IL4R: variants seen among roughly 807,000 people sequenced by gnomAD.
IL4R encodes the protein interleukin-4 receptor subunit alpha.
A neutral mutation model predicts 41.5 loss-of-function variants in IL4R; 17 were observed. The observed-to-expected ratio is 0.41, with a 90% confidence interval of 0.28 to 0.61. The LOEUF is 0.61. Among genes scored for constraint, IL4R ranks in the 20% least tolerant of loss-of-function variants. The pLI, the probability that IL4R is intolerant of heterozygous loss-of-function variation, is 0.31. For synonymous variants in IL4R, 402 were observed against 422.9 expected (o/e 0.95, Z 0.61); for missense variants, 974 against 1,043.1 (o/e 0.93, Z 0.91).
rs1437339119 is a variant in IL4R at position 27,363,100 on chromosome 16, A to G, written c.1748A>G (p.Glu583Gly). 7.4e-6 allele frequency: 12 copies of G among 1,613,886 alleles called. No individual in the cohort carries two copies. The Admixed American group carries it at 1.8e-4, about 25-fold the overall frequency. The change falls in exon 11 of 11, where the codon GAG becomes GGG. Residue 583 changes from glutamate (E) to glycine (G), a missense_variant. Physicochemically the swap from Glu to Gly is moderately conservative, Grantham distance 98. Around this residue, in one of 3 missense-constraint regions of IL4R, gnomAD observed 682 missense variants for 704.3 expected, o/e 0.97. Transcript: ENST00000395762. ...SGYQEFVHAV[E>G]QGGTQASAVV... Reference sequence around the variant, plus strand: ...TATCAGGAGTTTGTACATGCGGTGGAGCAGGGTGGCACCCAGGCCAGTGCG... The same window carrying G: ...TATCAGGAGTTTGTACATGCGGTGGGGCAGGGTGGCACCCAGGCCAGTGCG...
intron 2 of IL4R, among the ~76,000 whole-genome samples, chr16:27,336,815 A>C (rs2085274062): frequency 6.6e-6 from 1 of 151,908 alleles, no homozygotes; most frequent in Non-Finnish European, 1.5e-5. Context: ...TCAGTGGCTC[A>C]CGCCTGTAAT....
chr16:27,313,910 G>A (rs927243348), upstream of IL4R: 297 of 984,498 alleles, frequency 3.0e-4, no homozygotes, highest in Non-Finnish European at 3.5e-4. Flanking sequence ...GGGCGGGCTG[G>A]GTCTCCGCGC....
chr16:27,356,354 G>A (rs576406969), intron 8 of IL4R, among the ~76,000 whole-genome samples: 15 of 152,222 alleles, frequency 9.9e-5, no homozygotes, highest in Admixed American at 8.5e-4. Context: ...GCCTCCCAAA[G>A]TGCTGGGATT....
chr16:27,345,160 A>T lies in IL4R; in HGVS notation c.361+140A>T. The T allele has an allele frequency of 1.1e-6, 1 of 944,268 alleles. No individual in the cohort carries two copies. The highest frequency in any genetic ancestry group is 1.6e-6 in the Non-Finnish European group (1 of 606,762). The allele number at this position is 944,268 out of a possible 1,614,324, so 58.5% of individuals were successfully genotyped here. A position where few individuals can be genotyped will look rare whatever the true frequency, so the allele number is the denominator to read the frequency against. ...CCTGTATTTTCCCAAATCTGATGGGATTCCTGCCCCTGCCTGGGCCTCAGT... is the reference window on the plus strand; with the variant it reads ...CCTGTATTTTCCCAAATCTGATGGGTTTCCTGCCCCTGCCTGGGCCTCAGT... On this transcript the variant is annotated intron_variant, in intron 5 of 10. Coordinates refer to ENST00000395762, the MANE Select transcript of IL4R (RefSeq NM_000418.4). This position sits in a 1 kb window ranked among gnomAD's most constrained non-coding sequence, Gnocchi z 4.5.
chr16:27,331,875 C>G (rs2085119678), intron 2 of IL4R, among the ~76,000 whole-genome samples: 1 of 151,862 alleles, frequency 6.6e-6, no homozygotes, highest in South Asian at 2.1e-4. Flanking sequence ...ATATTTTGAC[C>G]CTTTGTTGTT....
chr16:27,346,060 G>C (rs2085631477), intron 5 of IL4R, among the ~76,000 whole-genome samples: 2 of 151,694 alleles, frequency 1.3e-5, no homozygotes, highest in African/African-American at 4.8e-5. Flanking sequence ...CTTCACTGTA[G>C]AAAGGTGGTT....
chr16:27,320,853 A>G (rs1020218866), intron 1 of IL4R, among the ~76,000 whole-genome samples: 5 of 152,160 alleles, frequency 3.3e-5, no homozygotes, highest in African/African-American at 1.2e-4. Flanking sequence ...TCTTGCCTCT[A>G]GCATATTTCT....
At chr16:27,324,365 T>C (rs2084895918) in intron 1 of IL4R, among the ~76,000 whole-genome samples, 1 of 151,968 alleles carries the variant, frequency 6.6e-6, no homozygotes, top group Non-Finnish European at 1.5e-5. Flanking sequence ...AGGTGGAAAA[T>C]TGGGGATGAC....
Position 27,363,255 on chromosome 16 carries a change from C to T in IL4R, c.1903C>T (p.Gln635Ter). 2 of 1,603,056 alleles carry T rather than the reference C, an allele frequency of 1.2e-6. No homozygotes were observed. Among genetic ancestry groups the T allele is most frequent in the Non-Finnish European group, 1.7e-6 (2 of 1,173,856 alleles). ...TGGGGAAGAGGGGTATAAGCCTTTCCAAGACCTCATTCCTGGCTGCCCTGG... is the reference window on the plus strand; with the variant it reads ...TGGGGAAGAGGGGTATAAGCCTTTCTAAGACCTCATTCCTGGCTGCCCTGG... ...SSGEEGYKPF[Q>*]DLIPGCPGDP... Residue 635 changes from glutamine (Q) to a stop codon, truncating the protein, a stop_gained, in exon 11 of 11, where the codon CAA (glutamine) becomes TAA (stop). Coordinates refer to ENST00000395762, the MANE Select transcript of IL4R (RefSeq NM_000418.4). LOFTEE classifies it low-confidence loss of function (END_TRUNC).
At chr16:27,331,419 A>G (rs1403371207) in intron 2 of IL4R, among the ~76,000 whole-genome samples, 2 of 152,096 alleles carry the variant, frequency 1.3e-5, no homozygotes, top group Non-Finnish European at 2.9e-5. Context: ...CTGAAAATGG[A>G]GAAAATAATA....
At chr16:27,349,652 A>C (rs991704440) in intron 6 of IL4R, among the ~76,000 whole-genome samples, 2 of 152,210 alleles carry the variant, frequency 1.3e-5, no homozygotes, top group African/African-American at 4.8e-5. Context: ...AGAGCCCTGA[A>C]TGCCTGCCTC....
chr16:27,322,975 T>C (rs1417217064), intron 1 of IL4R, among the ~76,000 whole-genome samples: 2 of 151,986 alleles, frequency 1.3e-5, no homozygotes, highest in Non-Finnish European at 2.9e-5. Flanking sequence ...CCCAGAGTTA[T>C]GCTTCTGTGT....
intron 1 of IL4R, among the ~76,000 whole-genome samples, chr16:27,317,088 G>C (rs1173342613): frequency 6.6e-6 from 1 of 152,094 alleles, no homozygotes; most frequent in Admixed American, 6.6e-5. Flanking sequence ...TATATTTTTA[G>C]AGACAGGATC....
At chr16:27,323,533 G>C (rs896489415) in intron 1 of IL4R, among the ~76,000 whole-genome samples, 8 of 152,176 alleles carry the variant, frequency 5.3e-5, no homozygotes, top group Non-Finnish European at 8.8e-5. Flanking sequence ...TGCATCCTTA[G>C]GCAGGTTCCT....
intron 7 of IL4R, chr16:27,354,087 C>G (rs2085970748): frequency 6.6e-6 from 1 of 152,230 alleles, no homozygotes; most frequent in African/African-American, 2.4e-5. Context: ...GGTCACATGA[C>G]TACACATAGC....
At chr16:27,342,869 C>T (rs573825978) in intron 4 of IL4R, among the ~76,000 whole-genome samples, 3 of 152,216 alleles carry the variant, frequency 2.0e-5, no homozygotes, top group African/African-American at 7.2e-5. Context: ...TACATGATCA[C>T]AGGTCATGTA....
intron 1 of IL4R, among the ~76,000 whole-genome samples, chr16:27,314,431 T>C (rs963029689): frequency 6.6e-6 from 1 of 152,192 alleles, no homozygotes; most frequent in Non-Finnish European, 1.5e-5. Flanking sequence ...TTCTGAGAAC[T>C]GTAAATTTGA....
chr16:27,352,257 C>T (rs1342872618), intron 6 of IL4R, among the ~76,000 whole-genome samples: 1 of 152,142 alleles, frequency 6.6e-6, no homozygotes, highest in Non-Finnish European at 1.5e-5. Flanking sequence ...GGACTCTTAC[C>T]CTTGTTTTAC....
At chr16:27,321,044 A>G (rs1171167832) in intron 1 of IL4R, among the ~76,000 whole-genome samples, 1 of 151,850 alleles carries the variant, frequency 6.6e-6, no homozygotes, top group African/African-American at 2.4e-5. Flanking sequence ...CCCGGGTTCA[A>G]GTGATTCTCC....
Sources: allele counts gnomAD v4.1 joint callset (sites outside exome capture counted in the v4.1 genomes callset), GRCh38; gene constraint gnomAD v4.1.1; regional missense constraint gnomAD v4.1.1; non-coding constraint Gnocchi (gnomAD v3.1); transcripts MANE v1.5; gene names NCBI Gene and HGNC (gene_info 2026-07-23, HGNC 2026-07-21).